Variants in TMCO6 observed in about 807,000 individuals in gnomAD.
TMCO6 encodes transmembrane and coiled-coil domains 6, also known as transmembrane and coiled-coil domain-containing protein 6.
Under a neutral mutation model 61.8 loss-of-function variants are expected in TMCO6, and 47 were observed. The ratio of observed to expected loss-of-function variants is 0.76; its 90% CI spans 0.60 to 0.97. TMCO6 has a LOEUF of 0.97. Among genes scored for constraint, TMCO6 ranks in the 50% least tolerant of loss-of-function variants. The pLI is 0.00. For synonymous variants in TMCO6, 261 were observed against 254.2 expected, an observed-to-expected ratio of 1.03 and a Z score of -0.25; for missense variants, 557 against 601.6, an observed-to-expected ratio of 0.93 and a Z score of 0.78.
chr5:140,622,941 C>A, the TMCO6 span, among the ~76,000 whole-genome samples: 1 of 152,082 alleles, frequency 6.6e-6, no homozygotes, highest in African/African-American at 2.4e-5. Flanking sequence ...TGGTCTCGAA[C>A]CCCTGGGTTC....
At chr5:140,631,804 A>G in the TMCO6 span, 1 of 1,484,964 alleles carries the variant, frequency 6.7e-7, no homozygotes, top group Non-Finnish European at 9.1e-7. Context: ...TCCTGACGGG[A>G]CTCCCCTGAA....
At chr5:140,645,745 G>T (rs1176859038), downstream of TMCO6, 8 of 1,609,996 alleles carry the variant, frequency 5.0e-6, no homozygotes, top group Non-Finnish European at 6.8e-6. Context: ...TAAAATAAAA[G>T]ATCTTTGTCT....
chr5:140,632,342 C>T, the TMCO6 span: 1 of 1,613,958 alleles, frequency 6.2e-7, no homozygotes, highest in Non-Finnish European at 8.5e-7. The surrounding 1 kb of genome is among the most constrained non-coding windows in gnomAD (Gnocchi z 6.2). Context: ...GACAGAGAGC[C>T]GCCATCAGTC....
intron 10 of TMCO6, 93 bp downstream of exon 10, chr5:140,644,287 C>T: frequency 7.2e-7 from 1 of 1,382,338 alleles, no homozygotes; most frequent in Non-Finnish European, 1.0e-6. Flanking sequence ...AGTTGAGAGC[C>T]AGCAGGTGGT....
the TMCO6 span, among the ~76,000 whole-genome samples, chr5:140,619,606 C>T: frequency 6.6e-6 from 1 of 151,606 alleles, no homozygotes; most frequent in Non-Finnish European, 1.5e-5. Context: ...CCCAAATAAG[C>T]ACAACAAAGA....
At chr5:140,598,334 G>T in the TMCO6 span, among the ~76,000 whole-genome samples, 2 of 151,934 alleles carry the variant, frequency 1.3e-5, no homozygotes, top group Non-Finnish European at 2.9e-5. Flanking sequence ...CTCCCAAAGT[G>T]CTGGGATTAT....
chr5:140,639,960 C>A, intron 2 of TMCO6, 109 bp downstream of exon 2: 1 of 884,180 alleles, frequency 1.1e-6, no homozygotes, highest in Non-Finnish European at 1.8e-6. Flanking sequence ...TACACTTCCA[C>A]GCATCCAGTG....
Position 140,641,927 on chromosome 5 carries a change from G to A in TMCO6, c.372G>A (p.Leu124=). ...TCCTGACCAGCAACCAGGCCCTGCT[G>A]CAGCTTGAGGCGGCTCGGTGCCTGC... The part of the protein sequence containing the change: ...VGLLTSNQAL[L]QLEAARCLHE... Residue 124 remains leucine (L), a synonymous_variant, in exon 4 of 12, where the codon CTG becomes CTA. Transcript: ENST00000394671. 6.2e-7 allele frequency: 1 copy of A among 1,613,838 alleles called. No individual in the cohort carries two copies. The highest frequency in any genetic ancestry group is 1.1e-5 in the South Asian group (1 of 91,078).
At chr5:140,618,167 A>G in the TMCO6 span, among the ~76,000 whole-genome samples, 5 of 152,182 alleles carry the variant, frequency 3.3e-5, no homozygotes, top group Admixed American at 6.5e-5. Flanking sequence ...GCGGTGGCTC[A>G]CACCTGTAAT....
chr5:140,628,261 A>G, the TMCO6 span, among the ~76,000 whole-genome samples: 1 of 152,082 alleles, frequency 6.6e-6, no homozygotes, highest in East Asian at 1.9e-4. Flanking sequence ...GACTTGTCCT[A>G]TATTTCCCTC....
chr5:140,632,630 G>A, the TMCO6 span: 3 of 1,613,856 alleles, frequency 1.9e-6, no homozygotes, highest in South Asian at 2.2e-5. The surrounding 1 kb of genome is among the most constrained non-coding windows in gnomAD (Gnocchi z 6.2). Context: ...TCAGTTCCTT[G>A]AGGCGGGAGT....
At chr5:140,635,980 A>G (rs901244440), upstream of TMCO6, among the ~76,000 whole-genome samples, 5 of 152,136 alleles carry the variant, frequency 3.3e-5, no homozygotes, top group Admixed American at 3.3e-4. Context: ...CCTGGAGCAC[A>G]TGTGGGTTTT....
chr5:140,627,815 G>A, the TMCO6 span, among the ~76,000 whole-genome samples: 3 of 150,836 alleles, frequency 2.0e-5, no homozygotes, highest in South Asian at 6.3e-4. Context: ...AGAATCACTT[G>A]AACCTGGGAG....
the TMCO6 span, among the ~76,000 whole-genome samples, chr5:140,622,551 A>G: frequency 6.6e-6 from 1 of 152,178 alleles, no homozygotes; most frequent in Non-Finnish European, 1.5e-5. Context: ...AGCCATCTGC[A>G]AAAGGATGTT....
At chr5:140,625,134 G>T in the TMCO6 span, among the ~76,000 whole-genome samples, 1 of 152,154 alleles carries the variant, frequency 6.6e-6, no homozygotes, top group African/African-American at 2.4e-5. Context: ...TTACAGGCGT[G>T]AGTCACTGCA....
At chr5:140,639,957 C>G (rs1334093839) in intron 2 of TMCO6, 106 bp downstream of exon 2, 2 of 910,202 alleles carry the variant, frequency 2.2e-6, no homozygotes, top group Admixed American at 4.4e-5. Flanking sequence ...CTCTACACTT[C>G]CACGCATCCA....
chr5:140,644,917 T>C, intron 11 of TMCO6, 68 bp from the exon 12 acceptor site: 5 of 1,551,002 alleles, frequency 3.2e-6, no homozygotes, highest in Non-Finnish European at 2.7e-6. Flanking sequence ...GGCTGACCCA[T>C]GAGGCTGTGG....
the TMCO6 span, among the ~76,000 whole-genome samples, chr5:140,603,521 T>C: frequency 6.6e-6 from 1 of 152,116 alleles, no homozygotes; most frequent in Non-Finnish European, 1.5e-5. Context: ...TTGGCCAGGT[T>C]GGTCTCAAAC....
the TMCO6 span, chr5:140,632,063 G>T: frequency 4.3e-6 from 7 of 1,614,078 alleles, no homozygotes; most frequent in Non-Finnish European, 5.9e-6. The surrounding 1 kb of genome is among the most constrained non-coding windows in gnomAD (Gnocchi z 6.2). Context: ...TGTTCAGTCT[G>T]TTGCAGCTGA....
Sources: allele counts gnomAD v4.1 joint callset (sites outside exome capture counted in the v4.1 genomes callset), GRCh38; gene constraint gnomAD v4.1.1; non-coding constraint Gnocchi (gnomAD v3.1); transcripts MANE v1.5; gene names NCBI Gene and HGNC (gene_info 2026-07-23, HGNC 2026-07-21).